Variants in PIP4P2 observed in about 807,000 individuals in gnomAD.
The protein encoded by PIP4P2 is type 2 phosphatidylinositol 4,5-bisphosphate 4-phosphatase.
In PIP4P2, 19 loss-of-function variants were observed where a neutral mutation model predicts 33.3. The ratio of observed to expected loss-of-function variants is 0.57; its 90% CI spans 0.40 to 0.84. The LOEUF is 0.84. PIP4P2 is among the 40% of genes least tolerant of loss of function. PIP4P2 has a pLI of 0.00. For synonymous variants in PIP4P2, 110 were observed against 111.9 expected (o/e 0.98, Z 0.11); for missense variants, 270 against 324.7 (o/e 0.83, Z 1.29).
At chr8:91,003,594 G>A (rs1811728448) in intron 5 of PIP4P2, among the ~76,000 whole-genome samples, 1 of 152,058 alleles carries the variant, frequency 6.6e-6, no homozygotes, top group African/African-American at 2.4e-5. Flanking sequence ...GGAATGCTGG[G>A]TCAGGTTGTG....
chr8:90,999,699 T>C (rs1053804838), intron 5 of PIP4P2, among the ~76,000 whole-genome samples: 2 of 152,074 alleles, frequency 1.3e-5, no homozygotes, highest in African/African-American at 4.8e-5. Context: ...TAATTGATAT[T>C]AACATTACAT....
At chr8:91,013,250 A>C (rs1221551515) in intron 4 of PIP4P2, among the ~76,000 whole-genome samples, 2 of 152,196 alleles carry the variant, frequency 1.3e-5, no homozygotes, top group Non-Finnish European at 2.9e-5. Flanking sequence ...AATTGAAAAA[A>C]TAAAATCATT....
intron 1 of PIP4P2, among the ~76,000 whole-genome samples, chr8:91,021,664 A>C (rs1320429475): frequency 3.9e-5 from 6 of 152,196 alleles, no homozygotes; most frequent in Admixed American, 3.9e-4. Context: ...TCCTTTTACT[A>C]ATCTATACTC....
intron 4 of PIP4P2, among the ~76,000 whole-genome samples, chr8:91,015,043 A>G (rs1314764866): frequency 6.6e-6 from 1 of 152,140 alleles, no homozygotes; most frequent in Non-Finnish European, 1.5e-5. Context: ...TGGACTATAG[A>G]GCTTGTGGAC....
chr8:91,039,125 A>C (rs1812272287), intron 1 of PIP4P2, among the ~76,000 whole-genome samples: 1 of 152,258 alleles, frequency 6.6e-6, no homozygotes, highest in African/African-American at 2.4e-5. Context: ...TCTCCTAATA[A>C]ACCGCCAAAC....
intron 1 of PIP4P2, 105 bp from the exon 2 acceptor site, chr8:91,021,509 C>A: frequency 2.2e-6 from 3 of 1,335,804 alleles, no homozygotes; most frequent in South Asian, 1.6e-5. Context: ...GATTTTCCCA[C>A]GTTCTTTTAT....
At chr8:91,025,511 G>T (rs1812071054) in intron 1 of PIP4P2, among the ~76,000 whole-genome samples, 1 of 151,944 alleles carries the variant, frequency 6.6e-6, no homozygotes, top group African/African-American at 2.4e-5. Context: ...AAATTGTTTT[G>T]TTGGATTGCT....
chr8:91,027,515 A>T (rs1440182767), intron 1 of PIP4P2, among the ~76,000 whole-genome samples: 2 of 152,084 alleles, frequency 1.3e-5, no homozygotes, highest in African/African-American at 4.8e-5. Flanking sequence ...TACAAAGTCT[A>T]ATTCAGTAAG....
Position 90,995,492 on chromosome 8 carries a change from C to G in PIP4P2, c.*185G>C, listed in dbSNP as rs545198553. 3 of 561,788 alleles carry G rather than the reference C, an allele frequency of 5.3e-6. No homozygotes were observed. The highest frequency in any genetic ancestry group is 8.4e-5 in the South Asian group (1 of 11,842). 34.8% of individuals were successfully genotyped at this position (561,788 alleles called of 1,614,324 possible). On this transcript the variant is annotated 3_prime_UTR_variant, in exon 7 of 7. Transcript: ENST00000285419. Reference sequence around the variant, plus strand: ...TATTATTCAAATTTTGAAAACCTAGCAGCAAAACAATTTGCATATAATATA... The same window carrying G: ...TATTATTCAAATTTTGAAAACCTAGGAGCAAAACAATTTGCATATAATATA...
rs1276815350 is a variant in PIP4P2 at position 91,019,279 on chromosome 8, T to C, written c.363-766A>G. ...AAAGTAAACTAAGTGATTACTTTTTTTTTTTTAAGAGATGGGCCAGGCATG... is the reference window on the plus strand; with the variant it reads ...AAAGTAAACTAAGTGATTACTTTTTCTTTTTTAAGAGATGGGCCAGGCATG... On this transcript the variant is annotated intron_variant, in intron 3 of 6. Transcript: ENST00000285419. Among the ~76,000 whole-genome samples, 3 of 151,240 alleles carry C rather than the reference T, an allele frequency of 2.0e-5. No homozygotes were observed. In the South Asian group the frequency reaches 6.3e-4, roughly 32 times the overall value.
intron 1 of PIP4P2, among the ~76,000 whole-genome samples, chr8:91,029,094 C>G (rs1304529773): frequency 6.6e-6 from 1 of 152,050 alleles, no homozygotes; most frequent in Non-Finnish European, 1.5e-5. Flanking sequence ...AGTTAGAGAC[C>G]AGCTTGGCCA....
intron 1 of PIP4P2, among the ~76,000 whole-genome samples, chr8:91,038,099 T>A (rs1812256050): frequency 6.6e-6 from 1 of 152,210 alleles, no homozygotes; most frequent in South Asian, 2.1e-4. Context: ...ACATGGATTG[T>A]TACACAGACC....
intron 1 of PIP4P2, among the ~76,000 whole-genome samples, chr8:91,038,993 T>G (rs562623025): frequency 3.1e-4 from 47 of 152,296 alleles, no homozygotes; most frequent in African/African-American, 1.1e-3. Context: ...AACAAATATA[T>G]GGAAAATAAT....
intron 1 of PIP4P2, among the ~76,000 whole-genome samples, chr8:91,038,046 T>A (rs1032324832): frequency 6.6e-6 from 1 of 152,314 alleles, no homozygotes; most frequent in East Asian, 1.9e-4. Context: ...ATGAATCCAA[T>A]ACTGACAGTA....
chr8:90,999,575 A>G (rs1811675418), intron 5 of PIP4P2, among the ~76,000 whole-genome samples: 1 of 152,086 alleles, frequency 6.6e-6, no homozygotes, highest in Admixed American at 6.6e-5. Context: ...CCTAACTTAA[A>G]GATGGCCACA....
intron 1 of PIP4P2, among the ~76,000 whole-genome samples, chr8:91,036,449 G>A (rs940261450): frequency 1.3e-5 from 2 of 152,112 alleles, no homozygotes; most frequent in African/African-American, 4.8e-5. Flanking sequence ...ACGTTGCATA[G>A]CCAGAATTCT....
intron 4 of PIP4P2, among the ~76,000 whole-genome samples, chr8:91,012,962 G>A (rs954732952): frequency 6.6e-6 from 1 of 152,070 alleles, no homozygotes; most frequent in African/African-American, 2.4e-5. Flanking sequence ...TATAACAACT[G>A]TCTTTTTGAT....
chr8:91,029,148 A>G lies in PIP4P2; in HGVS notation c.107-7744T>C, dbSNP rs1254904040. On this transcript the variant is annotated intron_variant, in intron 1 of 6. Coordinates refer to ENST00000285419, the MANE Select transcript of PIP4P2 (RefSeq NM_018710.3). ...TCTATTAAAAATACAAAAATTAGCC[A>G]GGAGTGATGGTGCACACCTGCAATC... Among the ~76,000 whole-genome samples, 5 of 152,104 alleles carry G rather than the reference A, an allele frequency of 3.3e-5. No individual in the cohort carries two copies. The East Asian group carries it at 9.7e-4, about 30-fold the overall frequency.
At chr8:91,019,792 C>G (rs1811979612) in intron 3 of PIP4P2, among the ~76,000 whole-genome samples, 1 of 152,088 alleles carries the variant, frequency 6.6e-6, no homozygotes, top group Admixed American at 6.6e-5. Flanking sequence ...TCTCAAACTA[C>G]CAGCTTCAGG....
Sources: allele counts gnomAD v4.1 joint callset (sites outside exome capture counted in the v4.1 genomes callset), GRCh38; gene constraint gnomAD v4.1.1; transcripts MANE v1.5; gene names NCBI Gene and HGNC (gene_info 2026-07-23, HGNC 2026-07-21).